Variants in ABI3BP observed in about 807,000 individuals in gnomAD.
The protein encoded by ABI3BP is ABI family member 3 binding protein, also known as target of Nesh-SH3.
ABI3BP carries 216 observed loss-of-function variants against 268.6 expected under a neutral mutation model. The ratio of observed to expected loss-of-function variants is 0.80; its 90% confidence interval spans 0.72 to 0.90. The LOEUF is 0.90. Among genes scored for constraint, ABI3BP ranks in the 40% least tolerant of loss-of-function variants. The pLI, the probability that ABI3BP is intolerant of heterozygous loss-of-function variation, is 0.00. For missense variants in ABI3BP, 2,090 were observed against 2,182.4 expected, an observed-to-expected ratio of 0.96 and a Z score of 0.84; for synonymous variants, 730 against 730.0, an observed-to-expected ratio of 1.00 and a Z score of 0.00.
chr3:100,951,512 T>C lies in ABI3BP; in HGVS notation c.80-25031A>G, dbSNP rs1227344063. On this transcript the variant is annotated intron_variant, in intron 1 of 67. Transcript: ENST00000471714. ...TATCTTAACCTCTATTTCTGGATAC[T>C]TATTTGGTTCCAGTCCTACAAGCTT... is the stretch of plus-strand genomic sequence containing the variant. Among the ~76,000 whole-genome samples, 4 of 151,984 alleles carry C rather than the reference T, an allele frequency of 2.6e-5. No individual in the cohort carries two copies. The East Asian group carries it at 5.8e-4, about 22-fold the overall frequency.
At chr3:100,926,587 A>T in intron 1 of ABI3BP, 106 bp from the exon 2 acceptor site, 2 of 1,065,160 alleles carry the variant, frequency 1.9e-6, no homozygotes, top group Non-Finnish European at 2.8e-6. Context: ...CTTGAAAAAC[A>T]TGTTGTCTAC....
At chr3:100,979,022 T>C (rs896756713) in intron 1 of ABI3BP, among the ~76,000 whole-genome samples, 1 of 152,178 alleles carries the variant, frequency 6.6e-6, no homozygotes, top group Non-Finnish European at 1.5e-5. Flanking sequence ...AGGACCAGCA[T>C]TGCTAGTATC....
intron 1 of ABI3BP, among the ~76,000 whole-genome samples, chr3:100,985,138 G>A: frequency 7.2e-6 from 1 of 139,094 alleles, no homozygotes; most frequent in Admixed American, 7.2e-5. Flanking sequence ...TTTCAGAAAA[G>A]CACTTTTTTT....
chr3:100,931,524 T>C (rs1318487990), intron 1 of ABI3BP, among the ~76,000 whole-genome samples: 1 of 151,992 alleles, frequency 6.6e-6, no homozygotes, highest in Admixed American at 6.6e-5. Flanking sequence ...ACAAAATCAA[T>C]GGACAAAAAT....
At chr3:100,868,038 CATA>C (rs1339370771) in intron 9 of ABI3BP, among the ~76,000 whole-genome samples, 11 of 152,274 alleles carry the variant, frequency 7.2e-5, no homozygotes, top group African/African-American at 2.4e-4. Flanking sequence ...TGTGTTGAAT[CATA>C]ATATTACCTG....
chr3:100,967,503 CAAAAAAAA>C (rs5851238), intron 1 of ABI3BP, among the ~76,000 whole-genome samples: 9 of 114,072 alleles, frequency 7.9e-5, no homozygotes, highest in Non-Finnish European at 1.7e-4. Context: ...GACTCCATCT[CAAAAAAAA>C]AAAAAAAAAG....
Position 100,864,043 on chromosome 3 carries a change from G to A in ABI3BP, c.1097C>T (p.Thr366Ile), listed in dbSNP as rs909588164. 5 of 1,536,160 alleles carry A rather than the reference G, an allele frequency of 3.3e-6. No individual in the cohort carries two copies. The highest frequency in any genetic ancestry group is 4.4e-6 in the Non-Finnish European group (5 of 1,146,766). The change falls in exon 12 of 68, where the codon ACT becomes ATT. Residue 366 changes from threonine (T) to isoleucine (I), a missense_variant. Physicochemically the swap from Thr to Ile is moderately conservative, Grantham distance 89. Coordinates refer to ENST00000471714, the MANE Select transcript of ABI3BP (RefSeq NM_001375547.2). ...CAATTCAAACTGAGGTATTAGAATA[G>A]TTTGCAATGTTTCCGGGGTCCTTTT... The part of the protein sequence containing the change: ...LSKRTPETLQ[T>I]ILIPQFELPL...
chr3:100,906,070 C>G (rs981393849), intron 2 of ABI3BP, among the ~76,000 whole-genome samples: 1 of 152,106 alleles, frequency 6.6e-6, no homozygotes, highest in Admixed American at 6.5e-5. Flanking sequence ...GAAAACAAAA[C>G]CCCTAGTTTT....
chr3:100,820,315 A>C lies in ABI3BP; in HGVS notation c.2948-12T>G. On this transcript the variant is annotated splice_polypyrimidine_tract_variant and intron_variant, in intron 39 of 67. Transcript: ENST00000471714. ...TGATGTTTTAGGAGCTGAAGAAAGA[A>C]AACCTTTAGTTACTACAGAGTCCGT... 2 of 1,535,096 alleles carry C rather than the reference A, an allele frequency of 1.3e-6. No homozygotes were observed. Among genetic ancestry groups the C allele is most frequent in the Non-Finnish European group, 1.7e-6 (2 of 1,146,164 alleles).
At position 100,934,865 on chromosome 3, in the gene ABI3BP, T is replaced by G. The variant is rs543173356; in HGVS notation, c.80-8384A>C. Among the ~76,000 whole-genome samples, 11 of 152,326 alleles carry G rather than the reference T, an allele frequency of 7.2e-5. No homozygotes were observed. The South Asian group carries it at 1.2e-3, about 17-fold the overall frequency. ...TAAATTTGTTTAAGTTCTTTGTAGA[T>G]TCTGGATATTAACCCTTTGTCAGAT... is the stretch of plus-strand genomic sequence containing the variant. On this transcript the variant is annotated intron_variant, in intron 1 of 67. Transcript: ENST00000471714.
intron 1 of ABI3BP, among the ~76,000 whole-genome samples, chr3:100,976,180 C>G (rs907407030): frequency 1.3e-5 from 2 of 152,042 alleles, no homozygotes; most frequent in African/African-American, 4.8e-5. Context: ...TGTGAGAGAG[C>G]CCTCATTTAT....
intron 50 of ABI3BP, among the ~76,000 whole-genome samples, chr3:100,807,084 G>C (rs1339469108): frequency 6.6e-6 from 1 of 151,544 alleles, no homozygotes; most frequent in Non-Finnish European, 1.5e-5. Flanking sequence ...AGTTTTCATG[G>C]TTTCTTCTCC....
At position 100,850,247 on chromosome 3, in the gene ABI3BP, T is replaced by C. The variant is rs887278257; in HGVS notation, c.1427-128A>G. 17 of 796,006 alleles carry C rather than the reference T, an allele frequency of 2.1e-5. No individual in the cohort carries two copies. The African/African-American group carries it at 3.0e-4, about 14-fold the overall frequency. The allele number at this position is 796,006 out of a possible 1,614,324, so 49.3% of individuals were successfully genotyped here. On this transcript the variant is annotated intron_variant, in intron 16 of 67. Coordinates refer to ENST00000471714, the MANE Select transcript of ABI3BP (RefSeq NM_001375547.2). ...TACATGATTAAAGATGAAAAATGCA[T>C]GTAGTCTTGAAAGCTAGTGAATAAA...
rs187013141 is a variant in ABI3BP, at chr3:100,929,610, T to C, written c.80-3129A>G. Among the ~76,000 whole-genome samples the C allele has an allele frequency of 5.2e-4, 79 of 152,142 alleles. 2 individuals are homozygous for C. Among genetic ancestry groups the C allele is most frequent in the Non-Finnish European group, 1.0e-3 (71 of 67,946 alleles). On this transcript the variant is annotated intron_variant, in intron 1 of 67. Coordinates refer to ENST00000471714, the MANE Select transcript of ABI3BP (RefSeq NM_001375547.2). The stretch of plus-strand genomic sequence containing the variant: ...AATTTTAAGACCATTACCTGAGTTC[T>C]TTTTTTAGAGCCAGTAACTCAAATG...
chr3:100,855,314 G>T (rs1389986245), intron 14 of ABI3BP, among the ~76,000 whole-genome samples: 4 of 152,198 alleles, frequency 2.6e-5, no homozygotes, highest in African/African-American at 9.7e-5. Flanking sequence ...CCCTGATACT[G>T]CTGTGGAAAC....
rs1320801807 is a variant in ABI3BP, at chr3:100,875,685, T to G, written c.746-106A>C. On this transcript the variant is annotated intron_variant, in intron 7 of 67. Coordinates refer to ENST00000471714, the MANE Select transcript of ABI3BP (RefSeq NM_001375547.2). ...TGGAAAAGCCTTGATCTAACTTTAT[T>G]AATTAATACAAAGCAACTCAGTGGC... The G allele has an allele frequency of 1.5e-5, 12 of 795,128 alleles. No homozygotes were observed. The South Asian group carries it at 1.8e-4, about 12-fold the overall frequency. The allele number at this position is 795,128 out of a possible 1,614,324, so 49.3% of individuals were successfully genotyped here. A position where few individuals can be genotyped will look rare whatever the true frequency, so the allele number is the denominator to read the frequency against.
intron 4 of ABI3BP, among the ~76,000 whole-genome samples, chr3:100,891,875 A>G (rs1203737677): frequency 6.6e-6 from 1 of 152,228 alleles, no homozygotes; most frequent in African/African-American, 2.4e-5. Flanking sequence ...TGAAGGAGGT[A>G]GACATGCATA....
At chr3:100,820,697 C>A (rs1420227656) in intron 39 of ABI3BP, among the ~76,000 whole-genome samples, 1 of 152,068 alleles carries the variant, frequency 6.6e-6, no homozygotes, top group East Asian at 1.9e-4. Flanking sequence ...GTAAATAGAA[C>A]TTTAGATTCA....
intron 1 of ABI3BP, among the ~76,000 whole-genome samples, chr3:100,956,767 C>CT (rs991082560): frequency 4.6e-5 from 7 of 152,056 alleles, no homozygotes; most frequent in African/African-American, 1.7e-4. Context: ...GAATAAAGCC[C>CT]TGAAGGAAGG....
Sources: gnomAD v4.1 joint callset for allele counts (sites outside exome capture counted in the v4.1 genomes callset) on GRCh38, gnomAD v4.1.1 for gene constraint, MANE v1.5 for transcripts, NCBI Gene and HGNC (gene_info 2026-07-23, HGNC 2026-07-21) for gene names.